The following ZNF646 variants were observed in gnomAD, a reference collection of about 807,000 sequenced individuals.
The protein encoded by ZNF646 is zinc finger protein 646.
Under a neutral mutation model 115.4 loss-of-function variants are expected in ZNF646, and 49 were observed. The observed-to-expected ratio is 0.42, with a 90% CI of 0.34 to 0.54. The LOEUF is 0.54. ZNF646 is among the 20% of genes least tolerant of loss of function. The probability of loss-of-function intolerance (pLI) is 0.04; values close to 1 mark genes in which losing one functional copy is unlikely to be tolerated. For missense variants in ZNF646, 2,269 were observed against 2,457.9 expected, an observed-to-expected ratio of 0.92 and a Z score of 1.62; for synonymous variants, 933 against 939.0, an observed-to-expected ratio of 0.99 and a Z score of 0.12.
In ZNF646 at chr16:31,080,465, C is replaced by T. The variant is rs371516816; in HGVS notation, c.4141C>T (p.Arg1381Trp). Residue 1381 changes from arginine (R) to tryptophan (W), a missense_variant, in exon 2 of 3, where the codon CGG becomes TGG. By Grantham distance (101) the Arg-to-Trp change is moderately radical. Around this residue, in one of 5 missense-constraint regions of ZNF646, gnomAD observed 1,062 missense variants for 1,172.8 expected, o/e 0.91. Coordinates refer to ENST00000300850, the MANE Select transcript of ZNF646 (RefSeq NM_014699.4). ...RSFPGRGSLE[R>W]HLREHEETER... is the part of the protein sequence containing the mutation. ...CTTCCCTGGCCGGGGATCTTTGGAG[C>T]GGCACCTGCGGGAGCATGAGGAGAC... 56 of 1,613,280 alleles carry T rather than the reference C, an allele frequency of 3.5e-5. No individual in the cohort carries two copies. Among genetic ancestry groups the T allele is most frequent in the Admixed American group, 1.5e-4 (9 of 60,010 alleles).
chr16:31,076,095 G>T, intron 1 of ZNF646, 151 bp from the exon 2 acceptor site: 2 of 494,356 alleles, frequency 4.0e-6, no homozygotes, highest in Non-Finnish European at 3.5e-6. Context: ...CTTAAATGAT[G>T]GTGCCTGCAG....
rs1596772580 is a variant in ZNF646 at position 31,079,095 on chromosome 16, A to G, written c.2771A>G (p.Glu924Gly). Residue 924 changes from glutamate (E) to glycine (G), a missense_variant, in exon 2 of 3, where the codon GAG becomes GGG. Transcript: ENST00000300850. This position sits in a 1 kb window ranked among gnomAD's most constrained non-coding sequence, Gnocchi z 5.5. Reference protein sequence around the residue: ...EEEGEEEGVAEAAPARSPPLQ... With the variant: ...EEEGEEEGVAGAAPARSPPLQ... Reference sequence around the variant, plus strand: ...GAGGGGGAAGAGGAAGGAGTGGCAGAGGCAGCCCCTGCACGCAGTCCACCA... The same window carrying G: ...GAGGGGGAAGAGGAAGGAGTGGCAGGGGCAGCCCCTGCACGCAGTCCACCA... 1 of 1,578,340 alleles carries G rather than the reference A, an allele frequency of 6.3e-7. No homozygotes were observed. The highest frequency in any genetic ancestry group is 8.6e-7 in the Non-Finnish European group (1 of 1,158,900).
chr16:31,080,852 C>CT lies in ZNF646; in HGVS notation c.4529dup (p.Ser1511GlufsTer5), dbSNP rs2057148281. The CT allele has an allele frequency of 3.7e-6, 6 of 1,614,128 alleles. No homozygotes were observed. Among genetic ancestry groups the CT allele is most frequent in the Non-Finnish European group, 5.1e-6 (6 of 1,180,020 alleles). On this transcript the variant is annotated frameshift_variant, in exon 2 of 3. Coordinates refer to ENST00000300850, the MANE Select transcript of ZNF646 (RefSeq NM_014699.4). LOFTEE classifies it high-confidence loss of function. ...TGACTGCCAGCTCAATGGACCTACT[C>CT]TGAGTCACATGGATAGCTGGGACAA...
Position 31,082,951 on chromosome 16 carries a change from T to C in ZNF646, c.5378-20T>C. On this transcript the variant is annotated intron_variant, in intron 2 of 2. Coordinates refer to ENST00000300850, the MANE Select transcript of ZNF646 (RefSeq NM_014699.4). ...GGGGTCTGCCCCTCAGTTGGTGACC[T>C]CCTCTCTCTCTCCCCCCAGGAGCCC... 1 of 1,565,100 alleles carries C rather than the reference T, an allele frequency of 6.4e-7. No homozygotes were observed. The highest frequency in any genetic ancestry group is 8.7e-7 in the Non-Finnish European group (1 of 1,154,284).
rs779977907 is a variant in ZNF646 at position 31,078,267 on chromosome 16, C to T, written c.1943C>T (p.Ala648Val). Residue 648 changes from alanine to valine, a missense_variant, in exon 2 of 3, where the codon GCC (alanine) becomes GTC (valine). Physicochemically the swap from Ala to Val is moderately conservative, Grantham distance 64 (BLOSUM62 0). Transcript: ENST00000300850. The stretch of plus-strand genomic sequence containing the variant: ...CAGACAGGAGACTTCAGTTGTGGGG[C>T]CTGTGCCAAGCACTTCCACACCATG... ...THQTGDFSCG[A>V]CAKHFHTMAA... 29 of 1,613,722 alleles carry T rather than the reference C, an allele frequency of 1.8e-5. No individual in the cohort carries two copies. The highest frequency in any genetic ancestry group is 2.4e-5 in the Non-Finnish European group (28 of 1,180,010).
Position 31,080,337 on chromosome 16 carries a change from G to C in ZNF646, c.4013G>C (p.Arg1338Pro). The C allele has an allele frequency of 6.2e-7, 1 of 1,613,544 alleles. No individual in the cohort carries two copies. The highest frequency in any genetic ancestry group is 1.1e-5 in the South Asian group (1 of 91,082). Residue 1338 changes from arginine (R) to proline (P), a missense_variant, in exon 2 of 3, where the codon CGC (arginine) becomes CCC (proline). Physicochemically the swap from Arg to Pro is moderately radical, Grantham distance 103. This residue lies in a region of ZNF646 where 1,062 missense variants were observed against 1,172.8 expected (regional missense o/e 0.91). Transcript: ENST00000300850. Reference protein sequence around the residue: ...CPTCPKTYSNRMALKDHQRLH... With the variant: ...CPTCPKTYSNPMALKDHQRLH... ...ACCTGCCCCAAGACCTACTCCAACC[G>C]CATGGCCCTGAAGGACCACCAGAGG...
At chr16:31,075,701 C>T (rs1163722648) in intron 1 of ZNF646, among the ~76,000 whole-genome samples, 1 of 152,144 alleles carries the variant, frequency 6.6e-6, no homozygotes, top group African/African-American at 2.4e-5. Context: ...CAGCCCTTTC[C>T]CTGAAGGAGG....
chr16:31,080,823 C>T lies in ZNF646; in HGVS notation c.4499C>T (p.Ala1500Val), dbSNP rs140121354. The change falls in exon 2 of 3, where the codon GCT (alanine) becomes GTT (valine). Residue 1500 changes from alanine to valine, a missense_variant. Around this residue, in one of 5 missense-constraint regions of ZNF646, gnomAD observed 1,062 missense variants for 1,172.8 expected, o/e 0.91. Coordinates refer to ENST00000300850, the MANE Select transcript of ZNF646 (RefSeq NM_014699.4). ...EDSVHRSPCH[A>V]GDCQLNGPTL... ...AGTGTCCACAGGAGTCCTTGCCACG[C>T]TGGTGACTGCCAGCTCAATGGACCT... The T allele has an allele frequency of 9.9e-6, 16 of 1,614,142 alleles. No individual in the cohort carries two copies. The Admixed American group carries it at 2.2e-4, about 22-fold the overall frequency.
In ZNF646 at chr16:31,080,707, G is replaced by A. The variant is rs36052073; in HGVS notation, c.4383G>A (p.Lys1461=). 1.7e-4 allele frequency: 282 copies of A among 1,613,750 alleles called. No homozygotes were observed. The highest frequency in any genetic ancestry group is 2.3e-4 in the Non-Finnish European group (277 of 1,180,022). ...APEPLSWGAG[K]AGGWPVGGGL... ...AGCCACTGTCCTGGGGTGCAGGGAA[G>A]GCAGGTGGGTGGCCGGTAGGTGGGG... is the stretch of plus-strand genomic sequence containing the variant. Residue 1461 remains lysine, a synonymous_variant, in exon 2 of 3, where the codon AAG becomes AAA. Transcript: ENST00000300850.
rs1430202696 is a variant in ZNF646, at chr16:31,078,577, TAAAG to T, written c.2255_2258del (p.Lys752ArgfsTer85). The T allele has an allele frequency of 1.9e-6, 3 of 1,610,852 alleles. No individual in the cohort carries two copies. Among genetic ancestry groups the T allele is most frequent in the Non-Finnish European group, 1.7e-6 (2 of 1,177,788 alleles). On this transcript the variant is annotated frameshift_variant, in exon 2 of 3. Transcript: ENST00000300850. LOFTEE classifies it high-confidence loss of function. Reference sequence around the variant, plus strand: ...GGGATGAGACCCATTTCCAGGGTGATAAAGAGAGCGGAGGCACTGGGGAAGGACT... The same window carrying T: ...GGGATGAGACCCATTTCCAGGGTGATAGAGCGGAGGCACTGGGGAAGGACT...
upstream of ZNF646, chr16:31,072,918 AG>A (rs2057027227): frequency 6.6e-6 from 1 of 152,298 alleles, no homozygotes; most frequent in Admixed American, 6.5e-5. Flanking sequence ...TAGTGCCCTC[AG>A]GAATACTTTA....
Position 31,080,141 on chromosome 16 carries a change from C to T in ZNF646, c.3817C>T (p.Leu1273=), listed in dbSNP as rs2057135389. ...GAAGGCCTTCCGCCTGCGGAAACAG[C>T]TGGCCAGCCACCAGCGGGTCCACAT... ...CGKAFRLRKQ[L]ASHQRVHMER... The change falls in exon 2 of 3, where the codon CTG becomes TTG. Residue 1273 remains leucine (L), a synonymous_variant. Coordinates refer to ENST00000300850, the MANE Select transcript of ZNF646 (RefSeq NM_014699.4). 1 of 1,612,694 alleles carries T rather than the reference C, an allele frequency of 6.2e-7. No individual in the cohort carries two copies. Among genetic ancestry groups the T allele is most frequent in the Non-Finnish European group, 8.5e-7 (1 of 1,179,728 alleles).
At position 31,080,635 on chromosome 16, in the gene ZNF646, G is replaced by C. The variant is rs1477857738; in HGVS notation, c.4311G>C (p.Gly1437=). The change falls in exon 2 of 3, where the codon GGG becomes GGC. Residue 1437 remains glycine (G), a synonymous_variant. Coordinates refer to ENST00000300850, the MANE Select transcript of ZNF646 (RefSeq NM_014699.4). The part of the protein sequence containing the change: ...PHLEDGVPRP[G]ERSQSPIRAA... ...TGGAGGATGGAGTCCCAAGGCCAGG[G>C]GAGCGCAGTCAGAGCCCCATCAGGG... The C allele has an allele frequency of 6.2e-7, 1 of 1,614,048 alleles. No individual in the cohort carries two copies. Among genetic ancestry groups the C allele is most frequent in the Non-Finnish European group, 8.5e-7 (1 of 1,180,034 alleles).
Position 31,076,653 on chromosome 16 carries a change from C to T in ZNF646, c.329C>T (p.Pro110Leu). The T allele has an allele frequency of 6.2e-7, 1 of 1,612,974 alleles. No individual in the cohort carries two copies. Among genetic ancestry groups the T allele is most frequent in the Non-Finnish European group, 8.5e-7 (1 of 1,179,684 alleles). Residue 110 changes from proline (P) to leucine (L), a missense_variant, in exon 2 of 3, where the codon CCC becomes CTC. Pro to Leu is a moderately conservative substitution (Grantham distance 98, BLOSUM62 -3). Around this residue, in one of 5 missense-constraint regions of ZNF646, gnomAD observed 334 missense variants for 323.5 expected, o/e 1.03. Transcript: ENST00000300850. ...EGRRRHRPPR[P>L]KEATPHLQGE... ...CGCCGCAGGCACAGGCCCCCACGCC[C>T]CAAGGAAGCCACTCCACACCTCCAG...
Position 31,083,126 on chromosome 16 carries a change from G to C in ZNF646, c.*34G>C. On this transcript the variant is annotated 3_prime_UTR_variant, in exon 3 of 3. Transcript: ENST00000300850. Reference sequence around the variant, plus strand: ...TCTCCAAAGATCAGAATCTGGGGGAGGGAGCGCGTGCAGGGAGGGGCTTGA... The same window carrying C: ...TCTCCAAAGATCAGAATCTGGGGGACGGAGCGCGTGCAGGGAGGGGCTTGA... 2 of 1,593,442 alleles carry C rather than the reference G, an allele frequency of 1.3e-6. No individual in the cohort carries two copies. The highest frequency in any genetic ancestry group is 1.7e-6 in the Non-Finnish European group (2 of 1,172,466).
Position 31,079,780 on chromosome 16 carries a change from C to G in ZNF646, c.3456C>G (p.Leu1152=). 6.2e-7 allele frequency: 1 copy of G among 1,613,530 alleles called. No homozygotes were observed. Among genetic ancestry groups the G allele is most frequent in the Admixed American group, 1.7e-5 (1 of 59,960 alleles). ...CGGGGCAAGCAGAAGTCGAGAAGCT[C>G]CAGGAAGAACTTAAAGTGGAGCCCC... ...EGPGQAEVEK[L]QEELKVEPLE... is the part of the protein sequence containing the mutation. Residue 1152 remains leucine, a synonymous_variant, in exon 2 of 3, where the codon CTC becomes CTG. Transcript: ENST00000300850. The surrounding 1 kb of genome is among the most constrained non-coding windows in gnomAD (Gnocchi z 5.5).
Position 31,077,819 on chromosome 16 carries a change from C to T in ZNF646, c.1495C>T (p.Arg499Cys), listed in dbSNP as rs758229706. 1.7e-5 allele frequency: 27 copies of T among 1,613,790 alleles called. No homozygotes were observed. The highest frequency in any genetic ancestry group is 4.5e-5 in the East Asian group (2 of 44,884). ...TGEYQCSLCP[R>C]KYPNLMALRN... ...AGAGTACCAGTGCTCACTCTGTCCC[C>T]GCAAGTACCCCAATCTCATGGCCCT... The change falls in exon 2 of 3, where the codon CGC becomes TGC. Residue 499 changes from arginine to cysteine, a missense_variant. Arg to Cys is a radical substitution (Grantham distance 180). Coordinates refer to ENST00000300850, the MANE Select transcript of ZNF646 (RefSeq NM_014699.4).
At position 31,083,321 on chromosome 16, in the gene ZNF646, C is replaced by T. The variant is rs1567414113; in HGVS notation, c.*229C>T. 2 of 970,296 alleles carry T rather than the reference C, an allele frequency of 2.1e-6. No individual in the cohort carries two copies. The highest frequency in any genetic ancestry group is 3.4e-5 in the African/African-American group (2 of 58,570). The allele number at this position is 970,296 out of a possible 1,614,324, so 60.1% of individuals were successfully genotyped here. A position where few individuals can be genotyped will look rare whatever the true frequency, so the allele number is the denominator to read the frequency against. On this transcript the variant is annotated 3_prime_UTR_variant, in exon 3 of 3. Coordinates refer to ENST00000300850, the MANE Select transcript of ZNF646 (RefSeq NM_014699.4). ...CCTCATCACCGTGCTCTTCTCAGCGCCACCCTCAGCAGCCAGATTGCAACA... is the reference window on the plus strand; with the variant it reads ...CCTCATCACCGTGCTCTTCTCAGCGTCACCCTCAGCAGCCAGATTGCAACA...
At position 31,080,514 on chromosome 16, in the gene ZNF646, A is replaced by C. The variant is rs761365707; in HGVS notation, c.4190A>C (p.Gln1397Pro). The change falls in exon 2 of 3, where the codon CAG becomes CCG. Residue 1397 changes from glutamine to proline, a missense_variant. Physicochemically the swap from Gln to Pro is moderately conservative, Grantham distance 76. Transcript: ENST00000300850. ...ACAGAAAGGGAGCCAGCCAATGGCCAGGGAGGCCTGGATGGCACAGCGGCC... is the reference window on the plus strand; with the variant it reads ...ACAGAAAGGGAGCCAGCCAATGGCCCGGGAGGCCTGGATGGCACAGCGGCC... ...EETEREPANG[Q>P]GGLDGTAASE... The C allele has an allele frequency of 7.4e-6, 12 of 1,614,056 alleles. No homozygotes were observed. In the Admixed American group the frequency reaches 1.8e-4, roughly 25 times the overall value.
Sources: allele counts gnomAD v4.1 joint callset (sites outside exome capture counted in the v4.1 genomes callset), GRCh38; gene constraint gnomAD v4.1.1; regional missense constraint gnomAD v4.1.1; non-coding constraint Gnocchi (gnomAD v3.1); transcripts MANE v1.5; gene names NCBI Gene and HGNC (gene_info 2026-07-23, HGNC 2026-07-21).